Variants in FLI1 observed in about 807,000 individuals in gnomAD.
FLI1 encodes the protein Friend leukemia integration 1 transcription factor.
Under a neutral mutation model 53.1 loss-of-function variants are expected in FLI1, and 13 were observed. That is an observed-to-expected ratio of 0.24 (90% CI 0.16 to 0.39). FLI1 has a LOEUF of 0.39. Ranked by LOEUF, FLI1 falls within the 10% of genes least tolerant of loss-of-function variation. The pLI is 1.00. For synonymous variants in FLI1, 244 were observed against 236.7 expected, an observed-to-expected ratio of 1.03 and a Z score of -0.28; for missense variants, 424 against 600.5, an observed-to-expected ratio of 0.71 and a Z score of 3.07.
intron 1 of FLI1, among the ~76,000 whole-genome samples, chr11:128,742,810 C>T (rs527483452): frequency 1.3e-5 from 2 of 152,264 alleles, no homozygotes; most frequent in South Asian, 2.1e-4. Context: ...TTGATGCTGA[C>T]GAGTATGCAT....
intron 5 of FLI1, among the ~76,000 whole-genome samples, chr11:128,802,871 G>A (rs1942673312): frequency 6.6e-6 from 1 of 152,220 alleles, no homozygotes; most frequent in Admixed American, 6.5e-5. Context: ...ATTTTTGCAT[G>A]CCTGCTCTGT....
intron 4 of FLI1, among the ~76,000 whole-genome samples, chr11:128,777,355 A>G (rs1941766764): frequency 6.6e-6 from 1 of 152,190 alleles, no homozygotes; most frequent in East Asian, 1.9e-4. Flanking sequence ...AAAAAACACT[A>G]AGAAACTGCG....
intron 6 of FLI1, chr11:128,806,816 G>A (rs1591390421): frequency 1.8e-5 from 3 of 166,504 alleles, no homozygotes; most frequent in African/African-American, 7.1e-5. Context: ...ATTTGAAAAT[G>A]AAATCCACAG....
At chr11:128,791,173 G>A (rs1278500386) in intron 5 of FLI1, among the ~76,000 whole-genome samples, 4 of 152,152 alleles carry the variant, frequency 2.6e-5, no homozygotes, top group African/African-American at 9.7e-5. Context: ...TCCCCCTGGA[G>A]CGTAGAGGTG....
chr11:128,764,477 C>T (rs944984790), intron 2 of FLI1, among the ~76,000 whole-genome samples: 1 of 152,224 alleles, frequency 6.6e-6, no homozygotes, highest in Non-Finnish European at 1.5e-5. Flanking sequence ...ATTGTGGCAG[C>T]CCCAGGCTCT....
intron 5 of FLI1, among the ~76,000 whole-genome samples, chr11:128,795,306 T>C (rs892498922): frequency 3.9e-5 from 6 of 152,228 alleles, no homozygotes; most frequent in Non-Finnish European, 7.3e-5. Context: ...ATTCACAGGC[T>C]ATTTATGGAC....
At chr11:128,729,295 C>T (rs1327096858) in intron 1 of FLI1, among the ~76,000 whole-genome samples, 1 of 152,220 alleles carries the variant, frequency 6.6e-6, no homozygotes, top group African/African-American at 2.4e-5. Context: ...CCTGATTTAT[C>T]TCACAGGTGG....
chr11:128,809,334 C>G, intron 8 of FLI1, 130 bp downstream of exon 8: 1 of 794,802 alleles, frequency 1.3e-6, no homozygotes, highest in Non-Finnish European at 2.2e-6. Flanking sequence ...TTGAAATGTT[C>G]AATGTCTGTT....
upstream of FLI1, chr11:128,686,353 C>T: frequency 2.2e-6 from 1 of 456,244 alleles, no homozygotes. Flanking sequence ...AGTCTGATTT[C>T]GGGCAGGGGA....
chr11:128,780,957 T>C (rs1941897061), intron 4 of FLI1, among the ~76,000 whole-genome samples: 1 of 152,202 alleles, frequency 6.6e-6, no homozygotes, highest in Non-Finnish European at 1.5e-5. Context: ...CAAAAATGCC[T>C]AAGTTTCACA....
chr11:128,755,417 T>C (rs1399015291), intron 1 of FLI1, among the ~76,000 whole-genome samples: 1 of 152,242 alleles, frequency 6.6e-6, no homozygotes, highest in East Asian at 1.9e-4. Context: ...CTGTGGTACA[T>C]GTTCTTCACT....
At chr11:128,751,142 C>A (rs549737763) in intron 1 of FLI1, among the ~76,000 whole-genome samples, 1 of 152,166 alleles carries the variant, frequency 6.6e-6, no homozygotes, top group Non-Finnish European at 1.5e-5. Flanking sequence ...TTAGTGAAAT[C>A]GGCTCTGTAC....
intron 2 of FLI1, among the ~76,000 whole-genome samples, chr11:128,766,733 G>A (rs542314153): frequency 1.1e-4 from 17 of 151,888 alleles, no homozygotes; most frequent in South Asian, 2.1e-4. Flanking sequence ...TCAAGGCCTC[G>A]CTGTGGTCCG....
chr11:128,788,754 A>T (rs1215255420), intron 5 of FLI1, among the ~76,000 whole-genome samples: 1 of 152,218 alleles, frequency 6.6e-6, no homozygotes, highest in East Asian at 1.9e-4. Flanking sequence ...GATATTATAG[A>T]TACATGATAC....
chr11:128,709,003 C>T (rs903461686), intron 1 of FLI1, among the ~76,000 whole-genome samples: 4 of 152,168 alleles, frequency 2.6e-5, no homozygotes, highest in African/African-American at 9.7e-5. Context: ...GGCAGTAAAC[C>T]TCTGGAGTAT....
At chr11:128,771,287 C>T (rs1272347629) in intron 3 of FLI1, among the ~76,000 whole-genome samples, 2 of 152,224 alleles carry the variant, frequency 1.3e-5, no homozygotes, top group African/African-American at 4.8e-5. Flanking sequence ...CCTAACTCCT[C>T]CCCTTTGCCA....
chr11:128,764,516 G>C, intron 2 of FLI1: 1 of 780,126 alleles, frequency 1.3e-6, no homozygotes, highest in South Asian at 1.5e-5. Context: ...GCTATCAGCT[G>C]CCAGTGGGCC....
chr11:128,776,757 A>G (rs1020362345), intron 4 of FLI1, among the ~76,000 whole-genome samples: 2 of 152,212 alleles, frequency 1.3e-5, no homozygotes, highest in Non-Finnish European at 2.9e-5. Flanking sequence ...AAAGGCATCC[A>G]GCCGATTGAG....
chr11:128,772,100 G>A (rs551870), intron 3 of FLI1, among the ~76,000 whole-genome samples: 29,106 of 151,464 alleles, frequency 0.19, 2,974 homozygotes, highest in Admixed American at 0.28. Context: ...AGAAGGAGGA[G>A]GAGGTATGAG....
Sources: allele counts gnomAD v4.1 joint callset (sites outside exome capture counted in the v4.1 genomes callset), GRCh38; gene constraint gnomAD v4.1.1; transcripts MANE v1.5; gene names NCBI Gene and HGNC (gene_info 2026-07-23, HGNC 2026-07-21).